The following BMF variants were observed in gnomAD, a reference collection of about 807,000 sequenced individuals.
BMF encodes Bcl2 modifying factor.
A neutral mutation model predicts 22.0 loss-of-function variants in BMF; 10 were observed. The observed-to-expected ratio is 0.45, with a 90% CI of 0.28 to 0.77. The LOEUF (loss-of-function observed/expected upper bound fraction) is 0.77. BMF is among the 30% of genes least tolerant of loss of function. The pLI is 0.13. For missense variants in BMF, 206 were observed against 226.8 expected (o/e 0.91, Z 0.59); for synonymous variants, 87 against 88.1 (o/e 0.99, Z 0.07).
chr15:40,103,793 C>G (rs1346319138), intron 4 of BMF, among the ~76,000 whole-genome samples: 1 of 152,228 alleles, frequency 6.6e-6, no homozygotes, highest in African/African-American at 2.4e-5. Context: ...CAGGCACCCC[C>G]CAACTGCCCA....
intron 4 of BMF, among the ~76,000 whole-genome samples, chr15:40,100,410 G>A (rs1352272202): frequency 6.6e-6 from 1 of 152,208 alleles, no homozygotes; most frequent in African/African-American, 2.4e-5. Flanking sequence ...GACCATCGGG[G>A]GTCCCTGCCA....
At chr15:40,103,789 C>T (rs1256918147) in intron 4 of BMF, among the ~76,000 whole-genome samples, 1 of 152,194 alleles carries the variant, frequency 6.6e-6, no homozygotes, top group Non-Finnish European at 1.5e-5. Flanking sequence ...TAGCCAGGCA[C>T]CCCCCAACTG....
chr15:40,106,365 G>A lies in BMF; in HGVS notation c.-5-274C>T, dbSNP rs62019960. On this transcript the variant is annotated intron_variant, in intron 2 of 4. Transcript: ENST00000354670. The surrounding 1 kb of genome is among the most constrained non-coding windows in gnomAD (Gnocchi z 4.1). ...TTGATCACGTTTTCTGACCTAGGCC[G>A]GTCACAAAGTTTGACTCTGAGGGTT... is the stretch of plus-strand genomic sequence containing the variant. 6 of 347,032 alleles carry A rather than the reference G, an allele frequency of 1.7e-5. No homozygotes were observed. Among genetic ancestry groups the A allele is most frequent in the Admixed American group, 9.2e-5 (2 of 21,654 alleles). The allele number at this position is 347,032 out of a possible 1,614,324, so 21.5% of individuals were successfully genotyped here.
chr15:40,096,361 G>A (rs2036361709), intron 4 of BMF, among the ~76,000 whole-genome samples: 1 of 152,090 alleles, frequency 6.6e-6, no homozygotes, highest in African/African-American at 2.4e-5. Flanking sequence ...TGTGTCACCA[G>A]TGTTCCAGAT....
chr15:40,102,568 CT>C (rs2036501676), intron 4 of BMF, among the ~76,000 whole-genome samples: 1 of 152,120 alleles, frequency 6.6e-6, no homozygotes, highest in East Asian at 1.9e-4. Context: ...CCTATAGAGG[CT>C]CACCAGTGGA....
Position 40,089,182 on chromosome 15 carries a change from G to T in BMF, c.*2605C>A, listed in dbSNP as rs911336992. ...GCTAGAGACAGCCAGGCTCCTGGGG[G>T]TGGGGGATGGAGTCTGAGGGGGTGG... is the stretch of plus-strand genomic sequence containing the variant. On this transcript the variant is annotated 3_prime_UTR_variant, in exon 5 of 5. Coordinates refer to ENST00000354670, the MANE Select transcript of BMF (RefSeq NM_001003940.2). 1.4e-4 allele frequency: 21 copies of T among 152,570 alleles called. 1 individual carries two copies. Among genetic ancestry groups the T allele is most frequent in the African/African-American group, 4.3e-4 (18 of 41,498 alleles). The allele number at this position is 152,570 out of a possible 1,614,324, so 9.5% of individuals were successfully genotyped here. A position where few individuals can be genotyped will look rare whatever the true frequency, so the allele number is the denominator to read the frequency against.
rs550762840 is a variant in BMF, at chr15:40,106,204, A to G, written c.-5-113T>C. The G allele has an allele frequency of 9.3e-5, 112 of 1,206,302 alleles. 1 individual carries two copies. In the African/African-American group the frequency reaches 1.4e-3, roughly 16 times the overall value. 74.7% of individuals were successfully genotyped at this position (1,206,302 alleles called of 1,614,324 possible). On this transcript the variant is annotated intron_variant, in intron 2 of 4. Transcript: ENST00000354670. The surrounding 1 kb of genome is among the most constrained non-coding windows in gnomAD (Gnocchi z 4.1). ...CCCCCTTCTTATTTGAGCTGGCCGG[A>G]CCACATACTGATGACATACAACCCT...
At chr15:40,093,314 C>T (rs2036284682) in intron 4 of BMF, among the ~76,000 whole-genome samples, 1 of 152,224 alleles carries the variant, frequency 6.6e-6, no homozygotes, top group South Asian at 2.1e-4. Flanking sequence ...CTCCTTCCCC[C>T]GTGGAAGAGC....
intron 4 of BMF, among the ~76,000 whole-genome samples, chr15:40,096,794 ATT>A (rs2036371159): frequency 6.6e-6 from 1 of 152,230 alleles, no homozygotes; most frequent in African/African-American, 2.4e-5. Flanking sequence ...ATCATTAACT[ATT>A]TAGTAAGGAC....
rs2036210905 is a variant in BMF, at chr15:40,090,469, T to A, written c.*1318A>T. On this transcript the variant is annotated 3_prime_UTR_variant, in exon 5 of 5. Transcript: ENST00000354670. ...TCTAGCGTCTGGTTAACAGATTCCC[T>A]GTGCCTGCTATCGGAGCTGCCACAC... 6.5e-6 allele frequency: 1 copy of A among 152,706 alleles called. No homozygotes were observed. Among genetic ancestry groups the A allele is most frequent in the South Asian group, 2.1e-4 (1 of 4,836 alleles). 9.5% of individuals were successfully genotyped at this position (152,706 alleles called of 1,614,324 possible). A position where few individuals can be genotyped will look rare whatever the true frequency, so the allele number is the denominator to read the frequency against.
intron 4 of BMF, among the ~76,000 whole-genome samples, chr15:40,099,507 A>G (rs2036431352): frequency 6.6e-6 from 1 of 152,222 alleles, no homozygotes; most frequent in Non-Finnish European, 1.5e-5. Flanking sequence ...AGCCGGGTGC[A>G]GTGGCTCACA....
At position 40,090,828 on chromosome 15, in the gene BMF, G is replaced by T. The variant is rs934360040; in HGVS notation, c.*959C>A. 1 of 152,300 alleles carries T rather than the reference G, an allele frequency of 6.6e-6. No homozygotes were observed. Among genetic ancestry groups the T allele is most frequent in the Admixed American group, 6.5e-5 (1 of 15,284 alleles). The allele number at this position is 152,300 out of a possible 1,614,324, so 9.4% of individuals were successfully genotyped here. A position where few individuals can be genotyped will look rare whatever the true frequency, so the allele number is the denominator to read the frequency against. On this transcript the variant is annotated 3_prime_UTR_variant, in exon 5 of 5. Transcript: ENST00000354670. ...CTACGGCTGACTCTCATGGTAGGGT[G>T]GCCACCATATTTTCCGGCCCCACTG...
chr15:40,104,407 G>C, intron 3 of BMF, 67 bp from the exon 4 acceptor site: 2 of 1,579,666 alleles, frequency 1.3e-6, no homozygotes, highest in Non-Finnish European at 1.7e-6. Context: ...ACGCCTGCCT[G>C]ACCTGGCCAA....
intron 4 of BMF, among the ~76,000 whole-genome samples, chr15:40,093,741 C>A (rs1354848121): frequency 1.3e-5 from 2 of 152,156 alleles, no homozygotes; most frequent in Non-Finnish European, 2.9e-5. Context: ...ACAATCATCA[C>A]CTCATAATAG....
chr15:40,097,785 G>C (rs774752048), intron 4 of BMF, among the ~76,000 whole-genome samples: 13 of 152,144 alleles, frequency 8.5e-5, no homozygotes, highest in Non-Finnish European at 1.9e-4. Flanking sequence ...GGACTCACTG[G>C]CTTTGCAGAG....
intron 4 of BMF, 118 bp from the exon 5 acceptor site, chr15:40,092,006 A>G: frequency 1.3e-6 from 1 of 767,250 alleles, no homozygotes; most frequent in Non-Finnish European, 2.2e-6. Context: ...CTTTAATCCT[A>G]TCAGTACAGC....
intron 4 of BMF, among the ~76,000 whole-genome samples, chr15:40,100,807 A>C (rs1461349022): frequency 1.3e-5 from 2 of 152,142 alleles, no homozygotes; most frequent in Non-Finnish European, 2.9e-5. Flanking sequence ...TGGCATCAGC[A>C]CGCCCCCTCC....
chr15:40,092,234 C>T (rs2036250596), intron 4 of BMF, among the ~76,000 whole-genome samples: 1 of 152,182 alleles, frequency 6.6e-6, no homozygotes, highest in Non-Finnish European at 1.5e-5. Flanking sequence ...CCCCTCAAAC[C>T]TCAGCTGCAT....
chr15:40,106,150 G>GGGAGTCCTTCCAGGT lies in BMF; in HGVS notation c.-5-60_-5-59insACCTGGAAGGACTCC. 1 of 1,510,332 alleles carries GGGAGTCCTTCCAGGT rather than the reference G, an allele frequency of 6.6e-7. No homozygotes were observed. The highest frequency in any genetic ancestry group is 8.8e-7 in the Non-Finnish European group (1 of 1,131,754). 93.6% of individuals were successfully genotyped at this position (1,510,332 alleles called of 1,614,324 possible). On this transcript the variant is annotated intron_variant, in intron 2 of 4. Transcript: ENST00000354670. The surrounding 1 kb of genome is among the most constrained non-coding windows in gnomAD (Gnocchi z 4.1). ...GCCCCACCAGGGCCATACCTGGAAG[G>GGGAGTCCTTCCAGGT]ACTCCCCTTCCCTTCTTCCTACCAT... is the stretch of plus-strand genomic sequence containing the variant.
Sources: gnomAD v4.1 joint callset for allele counts (sites outside exome capture counted in the v4.1 genomes callset) on GRCh38, gnomAD v4.1.1 for gene constraint, Gnocchi (gnomAD v3.1) non-coding constraint, MANE v1.5 for transcripts, NCBI Gene and HGNC (gene_info 2026-07-23, HGNC 2026-07-21) for gene names.